ANKFN1: variants seen among roughly 807,000 people sequenced by gnomAD.
The protein encoded by ANKFN1 is ankyrin repeat and fibronectin type-III domain-containing protein 1.
Under a neutral mutation model 108.7 loss-of-function variants are expected in ANKFN1, and 74 were observed. The observed-to-expected ratio is 0.68, with a 90% CI of 0.56 to 0.83. The LOEUF (loss-of-function observed/expected upper bound fraction) is 0.83, where lower values mean the gene tolerates loss of function less well. Among genes scored for constraint, ANKFN1 ranks in the 40% least tolerant of loss-of-function variants. The probability of loss-of-function intolerance (pLI) is 0.00; values close to 1 mark genes in which losing one functional copy is unlikely to be tolerated. For missense variants in ANKFN1, 1,505 were observed against 1,382.3 expected (o/e 1.09, Z -1.41); for synonymous variants, 547 against 516.2 (o/e 1.06, Z -0.81).
intron 1 of ANKFN1, among the ~76,000 whole-genome samples, chr17:56,178,342 A>G (rs7207059): frequency 0.74 from 112,324 of 152,126 alleles, 42,495 homozygotes; most frequent in East Asian, 0.94. Context: ...GCTATAAATC[A>G]TATCATTAGA....
At chr17:56,492,123 G>T (rs1408992833) in intron 18 of ANKFN1, 64 bp from the exon 19 acceptor site, 1 of 669,404 alleles carries the variant, frequency 1.5e-6, no homozygotes, top group Non-Finnish European at 2.8e-6. Context: ...TTTCTCTGAG[G>T]TATGAATTTC....
chr17:56,127,838 T>C (rs767414626), intron 4 of ANKFN1, among the ~76,000 whole-genome samples: 7 of 152,236 alleles, frequency 4.6e-5, no homozygotes, highest in Non-Finnish European at 1.0e-4. Context: ...AAGGAAGAAC[T>C]GGGGGCTAGG....
intron 3 of ANKFN1, among the ~76,000 whole-genome samples, chr17:56,229,078 T>C (rs1916506571): frequency 6.6e-6 from 1 of 152,140 alleles, no homozygotes; most frequent in Admixed American, 6.6e-5. Context: ...TAGAATAAAT[T>C]GATCCCACTG....
intron 2 of ANKFN1, among the ~76,000 whole-genome samples, chr17:56,213,598 C>A (rs1049673392): frequency 6.6e-6 from 1 of 152,190 alleles, no homozygotes; most frequent in African/African-American, 2.4e-5. Context: ...CACCTTTCCC[C>A]TGATTTAAGA....
At chr17:56,277,677 A>G (rs913778978) in intron 3 of ANKFN1, among the ~76,000 whole-genome samples, 3 of 152,220 alleles carry the variant, frequency 2.0e-5, no homozygotes, top group Non-Finnish European at 4.4e-5. Flanking sequence ...CATATTAGCC[A>G]TAGTGTACGC....
intron 3 of ANKFN1, among the ~76,000 whole-genome samples, chr17:56,234,683 C>T (rs1180820074): frequency 6.6e-6 from 1 of 152,130 alleles, no homozygotes; most frequent in African/African-American, 2.4e-5. Context: ...GACATCATCT[C>T]ATTCTTTTTT....
chr17:56,132,139 T>C (rs1434017820), intron 4 of ANKFN1, among the ~76,000 whole-genome samples: 1 of 152,234 alleles, frequency 6.6e-6, no homozygotes, highest in Admixed American at 6.5e-5. Flanking sequence ...AAAGATGATG[T>C]GCAGAGGCTG....
chr17:56,117,181 CT>C (rs758485838), intron 4 of ANKFN1, among the ~76,000 whole-genome samples: 1 of 152,098 alleles, frequency 6.6e-6, no homozygotes, highest in Non-Finnish European at 1.5e-5. Flanking sequence ...CACTGTCAGT[CT>C]TTTTCATCAC....
At chr17:56,438,404 A>T (rs931402338) in intron 8 of ANKFN1, among the ~76,000 whole-genome samples, 1 of 152,224 alleles carries the variant, frequency 6.6e-6, no homozygotes, top group Non-Finnish European at 1.5e-5. Flanking sequence ...GCAGGAATTT[A>T]GAAGAGTAAT....
chr17:56,144,185 A>AATACT (rs1555600058), intron 4 of ANKFN1, among the ~76,000 whole-genome samples: 1 of 99,230 alleles, frequency 1.0e-5, no homozygotes, highest in African/African-American at 3.6e-5. Flanking sequence ...AAAAAAAAAA[A>AATACT]CAGCCCAAAC....
intron 8 of ANKFN1, among the ~76,000 whole-genome samples, chr17:56,402,947 C>A (rs2047806784): frequency 6.6e-6 from 1 of 151,968 alleles, no homozygotes; most frequent in Non-Finnish European, 1.5e-5. Flanking sequence ...TTCCATCTTG[C>A]TTTCGTTTTG....
chr17:56,449,155 C>G lies in ANKFN1; in HGVS notation c.1176C>G (p.Val392=). 1 of 1,613,394 alleles carries G rather than the reference C, an allele frequency of 6.2e-7. No homozygotes were observed. Among genetic ancestry groups the G allele is most frequent in the Non-Finnish European group, 8.5e-7 (1 of 1,179,640 alleles). The part of the protein sequence containing the change: ...SEVLEGLLQQ[V]RALHQHYSCR... ...TTTTGGAAGGTCTGCTGCAGCAGGT[C>G]CGAGCCCTTCATCAGCATTACAGTT... The change falls in exon 11 of 21, where the codon GTC becomes GTG. Residue 392 remains valine (V), a synonymous_variant. Transcript: ENST00000682825.
At chr17:56,495,814 C>A (rs114457807) in intron 19 of ANKFN1, among the ~76,000 whole-genome samples, 1,771 of 152,252 alleles carry the variant, frequency 0.012, 36 homozygotes, top group African/African-American at 0.041. Context: ...TCCCCTTGAG[C>A]ACCTTGTAGC....
intron 10 of ANKFN1, among the ~76,000 whole-genome samples, chr17:56,447,395 A>T (rs2049334471): frequency 1.3e-5 from 2 of 152,180 alleles, no homozygotes; most frequent in Admixed American, 1.3e-4. Context: ...CACAAACTCC[A>T]ACCAAGCTTC....
intron 4 of ANKFN1, among the ~76,000 whole-genome samples, chr17:56,101,230 G>T (rs1417440228): frequency 6.6e-6 from 1 of 152,100 alleles, no homozygotes; most frequent in Non-Finnish European, 1.5e-5. Context: ...ACCAGTGTAT[G>T]GTATTCTGTT....
chr17:56,388,561 C>G (rs2047340769), intron 8 of ANKFN1, among the ~76,000 whole-genome samples: 1 of 152,086 alleles, frequency 6.6e-6, no homozygotes, highest in South Asian at 2.1e-4. Flanking sequence ...TTTTAATTGC[C>G]AACTATGTTT....
intron 11 of ANKFN1, among the ~76,000 whole-genome samples, chr17:56,455,289 T>C (rs2049646677): frequency 6.6e-6 from 1 of 152,334 alleles, no homozygotes; most frequent in South Asian, 2.1e-4. Context: ...GAAAGGGTAG[T>C]ATGTAATGAA....
chr17:56,127,384 G>A (rs561745997), intron 4 of ANKFN1, among the ~76,000 whole-genome samples: 7 of 152,020 alleles, frequency 4.6e-5, no homozygotes, highest in African/African-American at 1.4e-4. Flanking sequence ...CACGGTCTCC[G>A]CTCACTGCAA....
intron 16 of ANKFN1, among the ~76,000 whole-genome samples, chr17:56,478,202 T>C (rs79470158): frequency 0.018 from 2,735 of 152,330 alleles, 71 homozygotes; most frequent in African/African-American, 0.062. Flanking sequence ...TTAAAGAGGA[T>C]ACTGTCCTTT....
Sources: gnomAD v4.1 joint callset for allele counts (sites outside exome capture counted in the v4.1 genomes callset) on GRCh38, gnomAD v4.1.1 for gene constraint, MANE v1.5 for transcripts, NCBI Gene and HGNC (gene_info 2026-07-23, HGNC 2026-07-21) for gene names.